Variants in TENM4 observed in about 807,000 individuals in gnomAD.
TENM4 encodes teneurin-4.
In TENM4, 82 loss-of-function variants were observed where a neutral mutation model predicts 243.3. That is an observed-to-expected ratio of 0.34 (90% CI 0.28 to 0.40). TENM4 has a LOEUF of 0.40. Ranked by LOEUF, TENM4 falls within the 10% of genes least tolerant of loss-of-function variation. The pLI is 1.00. For missense variants in TENM4, 3,138 were observed against 3,673.3 expected, an observed-to-expected ratio of 0.85 and a Z score of 3.77; for synonymous variants, 1,412 against 1,456.3, an observed-to-expected ratio of 0.97 and a Z score of 0.69.
At chr11:78,797,834 CAATG>C (rs1857191121) in intron 15 of TENM4, among the ~76,000 whole-genome samples, 1 of 152,204 alleles carries the variant, frequency 6.6e-6, no homozygotes, top group Non-Finnish European at 1.5e-5. Context: ...TGTCAAGTCT[CAATG>C]GATATTATTC....
chr11:78,892,062 G>C (rs1240937917), intron 7 of TENM4, among the ~76,000 whole-genome samples: 1 of 152,178 alleles, frequency 6.6e-6, no homozygotes, highest in South Asian at 2.1e-4. Flanking sequence ...TAGCGGTGCA[G>C]GGACCTGGGT....
At chr11:79,316,016 G>A (rs2135420666) in intron 1 of TENM4, among the ~76,000 whole-genome samples, 1 of 152,288 alleles carries the variant, frequency 6.6e-6, no homozygotes, top group African/African-American at 2.4e-5. Flanking sequence ...CTCTATATAT[G>A]AGTGTTCTAA....
At chr11:79,061,473 C>A (rs1860084011) in intron 6 of TENM4, among the ~76,000 whole-genome samples, 1 of 152,154 alleles carries the variant, frequency 6.6e-6, no homozygotes, top group African/African-American at 2.4e-5. Flanking sequence ...AAAGAAATGA[C>A]AACATGGCCA....
At chr11:78,893,255 G>A (rs1258060749) in intron 7 of TENM4, among the ~76,000 whole-genome samples, 5 of 152,220 alleles carry the variant, frequency 3.3e-5, no homozygotes, top group Non-Finnish European at 1.5e-5. Context: ...CTGATGGGAG[G>A]CCTGGTGGCC....
chr11:78,903,949 G>A, intron 6 of TENM4: 1 of 436,630 alleles, frequency 2.3e-6, no homozygotes, highest in Non-Finnish European at 4.4e-6. Context: ...CATGAACCCT[G>A]ATAGGGCCCA....
intron 4 of TENM4, among the ~76,000 whole-genome samples, chr11:79,122,513 G>A (rs774256769): frequency 2.6e-5 from 4 of 152,294 alleles, no homozygotes; most frequent in East Asian, 3.9e-4. Flanking sequence ...TAGCAATGGC[G>A]GTACAGAGAG....
At chr11:78,897,963 C>T (rs1281858113) in intron 7 of TENM4, among the ~76,000 whole-genome samples, 1 of 152,212 alleles carries the variant, frequency 6.6e-6, no homozygotes, top group Non-Finnish European at 1.5e-5. Flanking sequence ...TGGCAGCCTT[C>T]TGCTCTGACT....
At chr11:78,809,293 G>T (rs1857448493) in intron 14 of TENM4, among the ~76,000 whole-genome samples, 1 of 152,206 alleles carries the variant, frequency 6.6e-6, no homozygotes, top group Non-Finnish European at 1.5e-5. Flanking sequence ...CTTTGCTTCT[G>T]AAGGTCAACT....
intron 3 of TENM4, among the ~76,000 whole-genome samples, chr11:79,215,041 G>T (rs182101916): frequency 2.0e-5 from 3 of 152,290 alleles, no homozygotes; most frequent in African/African-American, 7.2e-5. Context: ...AAGAAAAAGT[G>T]CTTGGTACCT....
At chr11:79,112,175 C>T (rs118184807) in intron 4 of TENM4, among the ~76,000 whole-genome samples, 55 of 152,144 alleles carry the variant, frequency 3.6e-4, no homozygotes, top group Middle Eastern at 3.4e-3. Context: ...TGCACGTGTG[C>T]GCACACACAC....
At chr11:78,772,096 T>A (rs954566451) in intron 17 of TENM4, among the ~76,000 whole-genome samples, 3 of 152,208 alleles carry the variant, frequency 2.0e-5, no homozygotes, top group African/African-American at 7.2e-5. Flanking sequence ...CTGAGAGGGC[T>A]GTAGATGATT....
chr11:78,675,637 G>C (rs764100889), intron 30 of TENM4, among the ~76,000 whole-genome samples: 2 of 152,208 alleles, frequency 1.3e-5, no homozygotes, highest in South Asian at 4.1e-4. Flanking sequence ...GTGATGGCTC[G>C]GGTGAGGTCA....
At chr11:79,280,898 G>A (rs746943272) in intron 2 of TENM4, among the ~76,000 whole-genome samples, 3 of 152,062 alleles carry the variant, frequency 2.0e-5, no homozygotes, top group South Asian at 4.1e-4. Flanking sequence ...TGGCCCACTC[G>A]GCAAAATAAA....
chr11:79,234,281 T>C (rs1864424051), intron 2 of TENM4, among the ~76,000 whole-genome samples: 1 of 152,206 alleles, frequency 6.6e-6, no homozygotes, highest in Non-Finnish European at 1.5e-5. Context: ...TGTCAAGTAC[T>C]TATTGGGTAT....
chr11:79,155,834 A>G (rs1464992496), intron 3 of TENM4, among the ~76,000 whole-genome samples: 1 of 151,354 alleles, frequency 6.6e-6, no homozygotes, highest in African/African-American at 2.4e-5. Context: ...GATCTGGGAT[A>G]TAAACATGAA....
chr11:79,151,957 A>G (rs1431167875), intron 3 of TENM4, among the ~76,000 whole-genome samples: 2 of 152,190 alleles, frequency 1.3e-5, no homozygotes, highest in Non-Finnish European at 2.9e-5. Context: ...ACAGATGTCA[A>G]TGAGTGACTG....
intron 27 of TENM4, among the ~76,000 whole-genome samples, chr11:78,705,865 C>T (rs970655948): frequency 5.3e-5 from 8 of 152,172 alleles, no homozygotes; most frequent in African/African-American, 1.7e-4. Flanking sequence ...GGGGATAACA[C>T]ATATTACATA....
chr11:79,232,729 T>C (rs1391417785), intron 2 of TENM4, among the ~76,000 whole-genome samples: 1 of 152,164 alleles, frequency 6.6e-6, no homozygotes, highest in African/African-American at 2.4e-5. Context: ...CTCTTGTGGG[T>C]GAGCAGTGTC....
intron 4 of TENM4, among the ~76,000 whole-genome samples, chr11:79,081,935 A>G (rs1344556371): frequency 6.6e-6 from 1 of 152,092 alleles, no homozygotes; most frequent in East Asian, 1.9e-4. Context: ...TGGTGCTCAC[A>G]TGGGCTCTTA....
Sources: allele counts gnomAD v4.1 joint callset (sites outside exome capture counted in the v4.1 genomes callset), GRCh38; gene constraint gnomAD v4.1.1; transcripts MANE v1.5; gene names NCBI Gene and HGNC (gene_info 2026-07-23, HGNC 2026-07-21).